CSGALNACT1: variants seen among roughly 807,000 people sequenced by gnomAD.
CSGALNACT1 encodes the protein beta4GalNAcT-1.
In CSGALNACT1, 52 loss-of-function variants were observed where a neutral mutation model predicts 51.0. The ratio of observed to expected loss-of-function variants is 1.02; its 90% CI spans 0.82 to 1.29. The LOEUF (loss-of-function observed/expected upper bound fraction) is 1.29, where lower values mean the gene tolerates loss of function less well. CSGALNACT1 is among the 50% of genes most tolerant of loss of function. The pLI is 0.00. For synonymous variants in CSGALNACT1, 341 were observed against 254.4 expected (o/e 1.34, Z -3.24); for missense variants, 935 against 679.2 (o/e 1.38, Z -4.19).
rs763729182 is a variant in CSGALNACT1 at position 19,418,682 on chromosome 8, C to A, written c.1201G>T (p.Ala401Ser). 1 of 1,613,164 alleles carries A rather than the reference C, an allele frequency of 6.2e-7. No homozygotes were observed. The highest frequency in any genetic ancestry group is 8.5e-7 in the Non-Finnish European group (1 of 1,179,106). ...AGCTGCTGTTCCAAGGGAGGGACTGCATCATGGTGGCCGTATATTATGCCA... is the reference window on the plus strand; with the variant it reads ...AGCTGCTGTTCCAAGGGAGGGACTGAATCATGGTGGCCGTATATTATGCCA... The change falls in exon 8 of 10, where the codon GCA (alanine) becomes TCA (serine). Residue 401 changes from alanine (A) to serine (S), a missense_variant. Physicochemically the swap from Ala to Ser is moderately conservative, Grantham distance 99 (BLOSUM62 1). Transcript: ENST00000454498.
intron 1 of CSGALNACT1, among the ~76,000 whole-genome samples, chr8:19,751,742 G>C (rs1403969854): frequency 1.3e-5 from 2 of 152,030 alleles, no homozygotes; most frequent in Non-Finnish European, 2.9e-5. Flanking sequence ...ATGAGATCTG[G>C]TTGTTTGCAA....
At chr8:19,560,788 G>T (rs2040531377) in intron 3 of CSGALNACT1, among the ~76,000 whole-genome samples, 1 of 152,208 alleles carries the variant, frequency 6.6e-6, no homozygotes, top group African/African-American at 2.4e-5. Flanking sequence ...CCAGGAGCCA[G>T]CAATTCCACT....
chr8:19,738,160 G>A (rs12676379), intron 1 of CSGALNACT1, among the ~76,000 whole-genome samples: 25,132 of 152,186 alleles, frequency 0.17, 2,270 homozygotes, highest in Middle Eastern at 0.24. Context: ...CCAAGAATTC[G>A]AGGCTGCAGT....
intron 4 of CSGALNACT1, among the ~76,000 whole-genome samples, chr8:19,478,850 T>C (rs2070545488): frequency 6.6e-6 from 1 of 152,198 alleles, no homozygotes; most frequent in African/African-American, 2.4e-5. Flanking sequence ...AACATTGATA[T>C]CAAGAACTTT....
intron 1 of CSGALNACT1, among the ~76,000 whole-genome samples, chr8:19,660,752 G>A (rs1477010772): frequency 6.6e-6 from 1 of 152,132 alleles, no homozygotes; most frequent in Non-Finnish European, 1.5e-5. Flanking sequence ...TGACATGGTA[G>A]ATGAAAATCA....
At chr8:19,557,498 AG>A (rs1403718978) in intron 3 of CSGALNACT1, among the ~76,000 whole-genome samples, 3 of 152,046 alleles carry the variant, frequency 2.0e-5, no homozygotes, top group African/African-American at 7.2e-5. Context: ...CCCACCTCAA[AG>A]CCCCCACACT....
intron 4 of CSGALNACT1, among the ~76,000 whole-genome samples, chr8:19,493,668 G>A (rs187432620): frequency 6.6e-6 from 1 of 152,282 alleles, no homozygotes; most frequent in East Asian, 1.9e-4. Context: ...CATGTTATCA[G>A]TAATTCATTT....
At chr8:19,412,098 G>A (rs1458346907) in intron 8 of CSGALNACT1, among the ~76,000 whole-genome samples, 1 of 152,164 alleles carries the variant, frequency 6.6e-6, no homozygotes, top group East Asian at 1.9e-4. Context: ...CTCCTAAAGT[G>A]CTGGGATCAC....
intron 4 of CSGALNACT1, among the ~76,000 whole-genome samples, chr8:19,493,091 A>AACAGAT (rs2074730963): frequency 6.6e-6 from 1 of 152,060 alleles, no homozygotes; most frequent in Admixed American, 6.5e-5. Flanking sequence ...ATATGTTTGC[A>AACAGAT]ACAGATTCTT....
chr8:19,494,179 A>G (rs1001710924), intron 4 of CSGALNACT1, among the ~76,000 whole-genome samples: 5 of 152,118 alleles, frequency 3.3e-5, no homozygotes, highest in African/African-American at 1.2e-4. Flanking sequence ...ATCTAAACCT[A>G]TTATGTTCCT....
chr8:19,697,668 C>T (rs1485548785), intron 1 of CSGALNACT1, among the ~76,000 whole-genome samples: 5 of 152,232 alleles, frequency 3.3e-5, no homozygotes, highest in African/African-American at 7.2e-5. Flanking sequence ...ATGGGTCCAG[C>T]GGCTTCAGGG....
intron 1 of CSGALNACT1, among the ~76,000 whole-genome samples, chr8:19,751,965 A>C (rs4921673): frequency 0.54 from 81,000 of 151,212 alleles, 21,767 homozygotes; most frequent in Middle Eastern, 0.72. Flanking sequence ...AGAACAGACT[A>C]ATACATGTGT....
At chr8:19,418,694 C>A in exon 8 of CSGALNACT1, 1 of 1,613,504 alleles carries the variant, frequency 6.2e-7, no homozygotes, top group Non-Finnish European at 8.5e-7. Context: ...TCATGGTGGC[C>A]GTATATTATG....
At chr8:19,421,959 C>A (rs1466736257) in intron 6 of CSGALNACT1, among the ~76,000 whole-genome samples, 1 of 152,046 alleles carries the variant, frequency 6.6e-6, no homozygotes, top group Non-Finnish European at 1.5e-5. Context: ...CCTGGGGCCC[C>A]ATAAGTGTTC....
chr8:19,426,138 T>C (rs2058744586), intron 6 of CSGALNACT1, among the ~76,000 whole-genome samples: 1 of 152,194 alleles, frequency 6.6e-6, no homozygotes, highest in East Asian at 1.9e-4. Flanking sequence ...GGGTGACCAA[T>C]ATCCACTGGA....
exon 10 of CSGALNACT1, chr8:19,404,323 T>G (rs2053738801): frequency 2.2e-6 from 1 of 453,828 alleles, no homozygotes; most frequent in Non-Finnish European, 4.4e-6. Flanking sequence ...ATGAGTTTAC[T>G]GTGAGCAAAC....
chr8:19,718,491 C>T (rs1589676601), intron 1 of CSGALNACT1, among the ~76,000 whole-genome samples: 4 of 152,300 alleles, frequency 2.6e-5, no homozygotes, highest in South Asian at 2.1e-4. Flanking sequence ...AGCAACAAAA[C>T]GCACAGTTGC....
intron 4 of CSGALNACT1, among the ~76,000 whole-genome samples, chr8:19,501,533 C>T (rs1290146441): frequency 6.6e-6 from 1 of 152,174 alleles, no homozygotes; most frequent in African/African-American, 2.4e-5. Context: ...CCCACTCTCA[C>T]CACACTACTA....
chr8:19,715,300 G>A (rs997895847), intron 1 of CSGALNACT1, among the ~76,000 whole-genome samples: 6 of 151,976 alleles, frequency 3.9e-5, no homozygotes, highest in Non-Finnish European at 5.9e-5. Context: ...AATTCAAAAT[G>A]AGATTTGGGT....
Sources: gnomAD v4.1 joint callset for allele counts (sites outside exome capture counted in the v4.1 genomes callset) on GRCh38, gnomAD v4.1.1 for gene constraint, MANE v1.5 for transcripts, NCBI Gene and HGNC (gene_info 2026-07-23, HGNC 2026-07-21) for gene names.